The following ARMC5 variants were observed in gnomAD, a reference collection of about 807,000 sequenced individuals.
ARMC5 encodes armadillo repeat-containing protein 5.
A neutral mutation model predicts 60.5 loss-of-function variants in ARMC5; 28 were observed. The observed-to-expected ratio is 0.46, with a 90% confidence interval of 0.34 to 0.63. The LOEUF is 0.63. ARMC5 is among the 30% of genes least tolerant of loss of function. ARMC5 has a pLI of 0.01. For synonymous variants in ARMC5, 680 were observed against 607.3 expected (o/e 1.12, Z -1.76); for missense variants, 1,189 against 1,304.9 (o/e 0.91, Z 1.37).
intron 3 of ARMC5, among the ~76,000 whole-genome samples, chr16:31,463,223 C>T (rs771857897): frequency 2.0e-5 from 3 of 152,030 alleles, no homozygotes; most frequent in Non-Finnish European, 2.9e-5. Flanking sequence ...CTCAGCCTCC[C>T]GAGTAGCTGG....
Position 31,466,126 on chromosome 16 carries a change from G to C in ARMC5, c.2045G>C (p.Arg682Pro). The change falls in exon 6 of 6, where the codon CGG becomes CCG. Residue 682 changes from arginine (R) to proline (P), a missense_variant. Physicochemically the swap from Arg to Pro is moderately radical, Grantham distance 103. This residue lies in a region of ARMC5 where 862 missense variants were observed against 1,071.2 expected (regional missense o/e 0.80). Transcript: ENST00000268314. The surrounding 1 kb of genome is among the most constrained non-coding windows in gnomAD (Gnocchi z 8.0). The stretch of plus-strand genomic sequence containing the variant: ...CTGCTTCTGGAGCAGGGTGGTCTCC[G>C]GCTCCTCCTTGCGGCGCTGACCCGG... ...RRLLLEQGGL[R>P]LLLAALTRPA... 4 of 1,604,090 alleles carry C rather than the reference G, an allele frequency of 2.5e-6. No homozygotes were observed. The highest frequency in any genetic ancestry group is 3.4e-6 in the Non-Finnish European group (4 of 1,179,732).
At chr16:31,465,792 C>G (rs2082351430) in intron 4 of ARMC5, 58 bp from the exon 5 acceptor site, 2 of 1,599,002 alleles carry the variant, frequency 1.3e-6, no homozygotes, top group Non-Finnish European at 1.7e-6. Flanking sequence ...AGCCCTGTCT[C>G]ACTCACCCCA....
At position 31,464,314 on chromosome 16, in the gene ARMC5, A is replaced by AAT; in HGVS notation, c.1371-79_1371-78insTA. 9.5e-7 allele frequency: 1 copy of AAT among 1,057,028 alleles called. No individual in the cohort carries two copies. The highest frequency in any genetic ancestry group is 1.3e-6 in the Non-Finnish European group (1 of 784,712). The allele number at this position is 1,057,028 out of a possible 1,614,324, so 65.5% of individuals were successfully genotyped here. A position where few individuals can be genotyped will look rare whatever the true frequency, so the allele number is the denominator to read the frequency against. ...CTTTAAAAAAAAAAAAAAAAAAAAA[A>AAT]AAGACGCCTCACGCCTCTTGGACTC... On this transcript the variant is annotated intron_variant, in intron 3 of 5. Transcript: ENST00000268314. This position sits in a 1 kb window ranked among gnomAD's most constrained non-coding sequence, Gnocchi z 7.6.
upstream of ARMC5, chr16:31,458,828 C>A (rs2082270200): frequency 2.0e-6 from 3 of 1,532,820 alleles, no homozygotes; most frequent in South Asian, 1.2e-5. Flanking sequence ...GACTGCGCTG[C>A]GAGTGAAGAA....
chr16:31,465,478 A>G (rs2082348265), intron 4 of ARMC5: 1 of 861,860 alleles, frequency 1.2e-6, no homozygotes, highest in African/African-American at 1.7e-5. Context: ...CAATATTGGG[A>G]TAAAGAGTAA....
chr16:31,460,362 C>G (rs1299044804), intron 1 of ARMC5: 2 of 223,664 alleles, frequency 8.9e-6, no homozygotes, highest in Non-Finnish European at 1.8e-5. Flanking sequence ...CGGCCCTGTG[C>G]AAGGTTCTGA....
Position 31,464,316 on chromosome 16 carries a change from AGAC to A in ARMC5, c.1371-76_1371-74del. On this transcript the variant is annotated intron_variant, in intron 3 of 5. Transcript: ENST00000268314. This position sits in a 1 kb window ranked among gnomAD's most constrained non-coding sequence, Gnocchi z 7.6. ...TTAAAAAAAAAAAAAAAAAAAAAAA[AGAC>A]GCCTCACGCCTCTTGGACTCTGCCC... The A allele has an allele frequency of 1.2e-6, 1 of 867,334 alleles. No individual in the cohort carries two copies. Among genetic ancestry groups the A allele is most frequent in the Non-Finnish European group, 1.6e-6 (1 of 616,868 alleles). The allele number at this position is 867,334 out of a possible 1,614,324, so 53.7% of individuals were successfully genotyped here. A position where few individuals can be genotyped will look rare whatever the true frequency, so the allele number is the denominator to read the frequency against.
intron 3 of ARMC5, among the ~76,000 whole-genome samples, chr16:31,463,964 G>A (rs949362500): frequency 6.6e-5 from 10 of 152,002 alleles, no homozygotes; most frequent in South Asian, 6.2e-4. Context: ...CCCTTTCTCC[G>A]CCCTCCTTCT....
chr16:31,464,592 G>T lies in ARMC5; in HGVS notation c.1569G>T (p.Gly523=), dbSNP rs778071317. 1.3e-6 allele frequency: 2 copies of T among 1,586,652 alleles called. No individual in the cohort carries two copies. The highest frequency in any genetic ancestry group is 2.3e-5 in the East Asian group (1 of 43,594). ...TCGAGGAGCCTTGGGGACGCGAAGG[G>T]CCAGCCCTGCTGCTGCTGTCGCGCT... ...AAIEEPWGRE[G]PALLLLSRFS... The change falls in exon 4 of 6, where the codon GGG becomes GGT. Residue 523 remains glycine (G), a synonymous_variant. Coordinates refer to ENST00000268314, the MANE Select transcript of ARMC5 (RefSeq NM_001105247.2). The surrounding 1 kb of genome is among the most constrained non-coding windows in gnomAD (Gnocchi z 7.6).
intron 4 of ARMC5, chr16:31,465,430 G>C (rs2082347773): frequency 1.9e-6 from 2 of 1,072,390 alleles, no homozygotes; most frequent in South Asian, 4.7e-5. Flanking sequence ...GTATGGCCTG[G>C]TTTTTCCCAG....
Position 31,459,668 on chromosome 16 carries a change from C to T in ARMC5, c.144C>T (p.Arg48=), listed in dbSNP as rs1235761716. The T allele has an allele frequency of 6.3e-7, 1 of 1,582,390 alleles. No individual in the cohort carries two copies. Among genetic ancestry groups the T allele is most frequent in the South Asian group, 1.1e-5 (1 of 90,092 alleles). ...TPLSRALLAL[R]TRHIKAAGGI... ...TGAGCCGCGCGCTCCTAGCCCTCCGCACGCGCCACATCAAGGCAGCGGGGG... is the reference window on the plus strand; with the variant it reads ...TGAGCCGCGCGCTCCTAGCCCTCCGTACGCGCCACATCAAGGCAGCGGGGG... The change falls in exon 1 of 6, where the codon CGC becomes CGT. Residue 48 remains arginine, a synonymous_variant. Transcript: ENST00000268314.
chr16:31,466,913 G>A lies in ARMC5; in HGVS notation c.*24G>A, dbSNP rs550229143. ...AGACTGTTGACGTCCCCTGGGAAGG[G>A]GACCCAAGGATGAATTGGCTGTGAA... On this transcript the variant is annotated 3_prime_UTR_variant, in exon 6 of 6. Coordinates refer to ENST00000268314, the MANE Select transcript of ARMC5 (RefSeq NM_001105247.2). The surrounding 1 kb of genome is among the most constrained non-coding windows in gnomAD (Gnocchi z 8.0). 20 of 1,494,122 alleles carry A rather than the reference G, an allele frequency of 1.3e-5. No homozygotes were observed. The East Asian group carries it at 4.5e-4, about 33-fold the overall frequency. 92.6% of individuals were successfully genotyped at this position (1,494,122 alleles called of 1,614,324 possible).
Position 31,462,744 on chromosome 16 carries a change from T to G in ARMC5, c.1197T>G (p.Tyr399Ter), listed in dbSNP as rs745628267. Residue 399 changes from tyrosine (Y) to a stop codon, truncating the protein, a stop_gained, in exon 3 of 6, where the codon TAT becomes TAG. Transcript: ENST00000268314. LOFTEE classifies it high-confidence loss of function. This position sits in a 1 kb window ranked among gnomAD's most constrained non-coding sequence, Gnocchi z 7.2. ...RIVAALVGFLYDTGALGRLQA... is the reference protein window; with the variant it reads ...RIVAALVGFL ...TGGCTGCCCTTGTGGGGTTTCTGTATGACACTGGGGCCCTGGGCCGGCTGC... is the reference window on the plus strand; with the variant it reads ...TGGCTGCCCTTGTGGGGTTTCTGTAGGACACTGGGGCCCTGGGCCGGCTGC... The G allele has an allele frequency of 1.9e-6, 3 of 1,613,764 alleles. No homozygotes were observed. Among genetic ancestry groups the G allele is most frequent in the African/African-American group, 2.7e-5 (2 of 74,944 alleles).
chr16:31,463,626 T>C (rs867093317), intron 3 of ARMC5, among the ~76,000 whole-genome samples: 1 of 152,138 alleles, frequency 6.6e-6, no homozygotes, highest in Non-Finnish European at 1.5e-5. Context: ...CAGGCTGGTC[T>C]TGAACTCTTG....
At chr16:31,460,634 G>C (rs2142564896) in intron 1 of ARMC5, among the ~76,000 whole-genome samples, 2 of 152,356 alleles carry the variant, frequency 1.3e-5, no homozygotes, top group South Asian at 4.1e-4. Context: ...GGGAGGCTGA[G>C]GCGGGAGGAT....
chr16:31,466,293 C>T lies in ARMC5; in HGVS notation c.2212C>T (p.Pro738Ser), dbSNP rs781736510. 9 of 1,613,926 alleles carry T rather than the reference C, an allele frequency of 5.6e-6. No individual in the cohort carries two copies. In the South Asian group the frequency reaches 8.8e-5, roughly 16 times the overall value. ...CTCACCTTCCCCTTGCCTCTATGAA[C>T]CTCTGCTGGGCCCAGCCCCTGTCCC... ...LDSPSPCLYE[P>S]LLGPAPVPAP... Residue 738 changes from proline (P) to serine (S), a missense_variant, in exon 6 of 6, where the codon CCT becomes TCT. Coordinates refer to ENST00000268314, the MANE Select transcript of ARMC5 (RefSeq NM_001105247.2). The surrounding 1 kb of genome is among the most constrained non-coding windows in gnomAD (Gnocchi z 8.0).
In ARMC5 at chr16:31,462,603, G is replaced by A; in HGVS notation, c.1056G>A (p.Val352=). The change falls in exon 3 of 6, where the codon GTG becomes GTA. Residue 352 remains valine (V), a synonymous_variant. Coordinates refer to ENST00000268314, the MANE Select transcript of ARMC5 (RefSeq NM_001105247.2). The surrounding 1 kb of genome is among the most constrained non-coding windows in gnomAD (Gnocchi z 7.2). The part of the protein sequence containing the change: ...PTSQQPLVRA[V]CLLCREAINR... ...CCCAGCAGCCCCTGGTGCGGGCTGTGTGCCTCCTATGTCGTGAGGCCATCA... is the reference window on the plus strand; with the variant it reads ...CCCAGCAGCCCCTGGTGCGGGCTGTATGCCTCCTATGTCGTGAGGCCATCA... 1 of 1,613,350 alleles carries A rather than the reference G, an allele frequency of 6.2e-7. No homozygotes were observed.
In ARMC5 at chr16:31,467,066, G is replaced by A. The variant is rs80216415; in HGVS notation, c.*177G>A. ...CCCGGGAGCGAGAAGCCAAGGCCAGGTTCTGGGTGTAGGGCCCAGAGAAGC... is the reference window on the plus strand; with the variant it reads ...CCCGGGAGCGAGAAGCCAAGGCCAGATTCTGGGTGTAGGGCCCAGAGAAGC... On this transcript the variant is annotated 3_prime_UTR_variant, in exon 6 of 6. Coordinates refer to ENST00000268314, the MANE Select transcript of ARMC5 (RefSeq NM_001105247.2). The A allele has an allele frequency of 4.8e-6, 4 of 839,698 alleles. No individual in the cohort carries two copies. Among genetic ancestry groups the A allele is most frequent in the Non-Finnish European group, 3.4e-6 (2 of 589,644 alleles). The allele number at this position is 839,698 out of a possible 1,614,324, so 52.0% of individuals were successfully genotyped here.
chr16:31,462,402 A>G lies in ARMC5; in HGVS notation c.855A>G (p.Pro285=), dbSNP rs765884989. ...TAAGTCTGGGTGGGGGATTGGGCCC[A>G]CTCGTCAGCCTGGCTTCCCACCCCA... is the stretch of plus-strand genomic sequence containing the variant. ...EQLSLGGGLG[P]LVSLASHPKR... The change falls in exon 3 of 6, where the codon CCA becomes CCG. Residue 285 remains proline (P), a synonymous_variant. Coordinates refer to ENST00000268314, the MANE Select transcript of ARMC5 (RefSeq NM_001105247.2). The surrounding 1 kb of genome is among the most constrained non-coding windows in gnomAD (Gnocchi z 7.2). The G allele has an allele frequency of 3.4e-5, 55 of 1,609,554 alleles. No homozygotes were observed. The highest frequency in any genetic ancestry group is 4.4e-5 in the South Asian group (4 of 90,922).
Sources: allele counts gnomAD v4.1 joint callset (sites outside exome capture counted in the v4.1 genomes callset), GRCh38; gene constraint gnomAD v4.1.1; regional missense constraint gnomAD v4.1.1; non-coding constraint Gnocchi (gnomAD v3.1); transcripts MANE v1.5; gene names NCBI Gene and HGNC (gene_info 2026-07-23, HGNC 2026-07-21).